Variants in SCTR observed in about 807,000 individuals in gnomAD.
SCTR encodes pancreatic secretin receptor.
Under a neutral mutation model 60.8 loss-of-function variants are expected in SCTR, and 56 were observed. The observed-to-expected ratio is 0.92, with a 90% confidence interval of 0.74 to 1.15. The LOEUF is 1.15. Among genes scored for constraint, SCTR ranks in the 50% most tolerant of loss-of-function variants. SCTR has a pLI of 0.00. For synonymous variants in SCTR, 202 were observed against 217.0 expected, an observed-to-expected ratio of 0.93 and a Z score of 0.61; for missense variants, 562 against 550.4, an observed-to-expected ratio of 1.02 and a Z score of -0.21.
chr2:119,508,375 T>C (rs905144881), intron 1 of SCTR, among the ~76,000 whole-genome samples: 4 of 137,416 alleles, frequency 2.9e-5, no homozygotes, highest in Admixed American at 7.9e-5. Context: ...TTTCTTCTTC[T>C]TCTTCTTCTT....
chr2:119,507,313 T>C (rs1251684019), intron 1 of SCTR, among the ~76,000 whole-genome samples: 7 of 152,248 alleles, frequency 4.6e-5, no homozygotes, highest in Non-Finnish European at 1.0e-4. Context: ...TTAAATGTAC[T>C]AATTTTTCAG....
intron 2 of SCTR, among the ~76,000 whole-genome samples, chr2:119,493,916 C>T (rs921183633): frequency 3.3e-5 from 5 of 152,178 alleles, no homozygotes; most frequent in Non-Finnish European, 7.3e-5. Flanking sequence ...GCTGGGATTA[C>T]AGGCATGAGC....
At chr2:119,467,965 A>G (rs1039642968) in intron 4 of SCTR, among the ~76,000 whole-genome samples, 1 of 152,232 alleles carries the variant, frequency 6.6e-6, no homozygotes, top group Non-Finnish European at 1.5e-5. Context: ...AAAAAGATTT[A>G]TATGAAATTA....
At position 119,524,327 on chromosome 2, in the gene SCTR, G is replaced by T. The variant is rs942890385; in HGVS notation, c.-101C>A. 5.3e-6 allele frequency: 4 copies of T among 751,536 alleles called. No homozygotes were observed. Among genetic ancestry groups the T allele is most frequent in the Middle Eastern group, 8.3e-4 (2 of 2,402 alleles). The allele number at this position is 751,536 out of a possible 1,614,324, so 46.6% of individuals were successfully genotyped here. A position where few individuals can be genotyped will look rare whatever the true frequency, so the allele number is the denominator to read the frequency against. ...CCGCGCAGGGTCCCGGGCTCCGGCC[G>T]GCCGCTGCGCCCCGAGGAGCCATGG... On this transcript the variant is annotated 5_prime_UTR_variant, in exon 1 of 13. Coordinates refer to ENST00000019103, the MANE Select transcript of SCTR (RefSeq NM_002980.3).
chr2:119,505,472 T>C (rs186377301), intron 1 of SCTR, among the ~76,000 whole-genome samples: 51 of 141,730 alleles, frequency 3.6e-4, no homozygotes, highest in African/African-American at 1.3e-3. Flanking sequence ...TAAAGTATAA[T>C]AAAAAAAAGA....
chr2:119,467,274 A>G (rs13392743), intron 4 of SCTR, among the ~76,000 whole-genome samples: 10,869 of 151,818 alleles, frequency 0.072, 1,271 homozygotes, highest in African/African-American at 0.25. Flanking sequence ...AGCTACTTGG[A>G]AGGCTGAGGC....
At chr2:119,441,136 T>C (rs531593637) in intron 12 of SCTR, among the ~76,000 whole-genome samples, 10 of 152,172 alleles carry the variant, frequency 6.6e-5, no homozygotes, top group Non-Finnish European at 1.3e-4. Context: ...CCGTTTCACA[T>C]ATGGGCAGAC....
chr2:119,482,431 G>A (rs1238414674), intron 2 of SCTR, among the ~76,000 whole-genome samples: 2 of 152,182 alleles, frequency 1.3e-5, no homozygotes, highest in African/African-American at 4.8e-5. Flanking sequence ...ATGAGCAAGG[G>A]TGTCGTAGAA....
chr2:119,509,716 T>C (rs1678871365), intron 1 of SCTR, among the ~76,000 whole-genome samples: 1 of 152,208 alleles, frequency 6.6e-6, no homozygotes. Flanking sequence ...TCAGTGGTAT[T>C]AGGTATACTC....
intron 1 of SCTR, among the ~76,000 whole-genome samples, chr2:119,515,302 G>A (rs1375413668): frequency 6.6e-6 from 1 of 152,246 alleles, no homozygotes; most frequent in Non-Finnish European, 1.5e-5. Context: ...GGTCAGAGTA[G>A]TAGTAAAGAA....
chr2:119,459,183 G>A (rs1683501017), intron 7 of SCTR, among the ~76,000 whole-genome samples: 1 of 152,222 alleles, frequency 6.6e-6, no homozygotes, highest in African/African-American at 2.4e-5. Flanking sequence ...CAATAGGTAT[G>A]TGGTTAAATA....
intron 1 of SCTR, among the ~76,000 whole-genome samples, chr2:119,521,377 T>C (rs1337107912): frequency 1.3e-5 from 2 of 152,218 alleles, no homozygotes; most frequent in African/African-American, 4.8e-5. Flanking sequence ...AGCTCCTTCT[T>C]ACACTGTGAC....
In SCTR at chr2:119,462,767, C is replaced by T. The variant is rs960717590; in HGVS notation, c.637-767G>A. Among the ~76,000 whole-genome samples, 6 of 152,208 alleles carry T rather than the reference C, an allele frequency of 3.9e-5. No homozygotes were observed. In the South Asian group the frequency reaches 6.2e-4, roughly 16 times the overall value. On this transcript the variant is annotated intron_variant, in intron 6 of 12. Coordinates refer to ENST00000019103, the MANE Select transcript of SCTR (RefSeq NM_002980.3). Reference sequence around the variant, plus strand: ...CGTAGGGCTGCTGCAAAGACAAGCCCGAGAAGGAGGAGCGCCCGGTGCTGC... The same window carrying T: ...CGTAGGGCTGCTGCAAAGACAAGCCTGAGAAGGAGGAGCGCCCGGTGCTGC...
intron 2 of SCTR, among the ~76,000 whole-genome samples, chr2:119,485,319 C>T (rs1677815809): frequency 6.6e-6 from 1 of 152,190 alleles, no homozygotes; most frequent in Non-Finnish European, 1.5e-5. Context: ...TGGGCCAGGT[C>T]TGAAGCAGAC....
At chr2:119,502,726 TCA>T (rs973415230) in intron 1 of SCTR, among the ~76,000 whole-genome samples, 1 of 151,674 alleles carries the variant, frequency 6.6e-6, no homozygotes, top group Non-Finnish European at 1.5e-5. Flanking sequence ...GCACTGTGGC[TCA>T]CACTTGTAAT....
At position 119,497,704 on chromosome 2, in the gene SCTR, GATA is replaced by G. The variant is rs374252310; in HGVS notation, c.73-3159_73-3157del. 2.2e-3 allele frequency among the ~76,000 whole-genome samples: 335 copies of G among 152,134 alleles called. 2 individuals are homozygous for G. The highest frequency in any genetic ancestry group is 7.6e-3 in the African/African-American group (317 of 41,528). On this transcript the variant is annotated intron_variant, in intron 1 of 12. Coordinates refer to ENST00000019103, the MANE Select transcript of SCTR (RefSeq NM_002980.3). ...AAATGGAAATTTTAGAAGTGAAAAA[GATA>G]ATAAACAAAATAAGCTCCGTGGATG...
At chr2:119,507,920 G>T (rs901917007) in intron 1 of SCTR, among the ~76,000 whole-genome samples, 1 of 152,036 alleles carries the variant, frequency 6.6e-6, no homozygotes, top group Non-Finnish European at 1.5e-5. Context: ...CTCGTGATCT[G>T]CCCATCTCGG....
At chr2:119,505,730 T>A in intron 1 of SCTR, among the ~76,000 whole-genome samples, 1 of 146,964 alleles carries the variant, frequency 6.8e-6, no homozygotes, top group Non-Finnish European at 1.5e-5. Context: ...GGGGGAGGGA[T>A]AGCTTTAGGA....
chr2:119,493,226 G>C (rs1322935567), intron 2 of SCTR, among the ~76,000 whole-genome samples: 1 of 152,218 alleles, frequency 6.6e-6, no homozygotes, highest in Non-Finnish European at 1.5e-5. Context: ...CCATGCTGTA[G>C]AACATATCAT....
Sources: gnomAD v4.1 joint callset for allele counts (sites outside exome capture counted in the v4.1 genomes callset) on GRCh38, gnomAD v4.1.1 for gene constraint, MANE v1.5 for transcripts, NCBI Gene and HGNC (gene_info 2026-07-23, HGNC 2026-07-21) for gene names.